The following GPM6A variants were observed in gnomAD, a reference collection of about 807,000 sequenced individuals.
GPM6A encodes the protein glycoprotein M6A, also known as neuronal membrane glycoprotein M6-a.
A neutral mutation model predicts 32.1 loss-of-function variants in GPM6A; 7 were observed. The observed-to-expected ratio is 0.22, with a 90% CI of 0.12 to 0.41. The LOEUF (loss-of-function observed/expected upper bound fraction) is 0.41. Among genes scored for constraint, GPM6A ranks in the 10% least tolerant of loss-of-function variants. The pLI is 1.00. For synonymous variants in GPM6A, 130 were observed against 123.4 expected, an observed-to-expected ratio of 1.05 and a Z score of -0.35; for missense variants, 235 against 347.2, an observed-to-expected ratio of 0.68 and a Z score of 2.57.
chr4:175,952,770 G>A (rs997132191), intron 1 of GPM6A, among the ~76,000 whole-genome samples: 32 of 152,074 alleles, frequency 2.1e-4, no homozygotes, highest in Admixed American at 9.2e-4. Context: ...TCCGGTGGGG[G>A]CATGGGAACT....
intron 1 of GPM6A, among the ~76,000 whole-genome samples, chr4:175,763,580 T>C (rs1732841395): frequency 6.6e-6 from 1 of 152,190 alleles, no homozygotes; most frequent in Non-Finnish European, 1.5e-5. Context: ...TTAAATGCAG[T>C]TTATCTAGGG....
At chr4:175,729,103 C>T (rs1161564628) in intron 1 of GPM6A, among the ~76,000 whole-genome samples, 1 of 152,176 alleles carries the variant, frequency 6.6e-6, no homozygotes, top group African/African-American at 2.4e-5. Context: ...TTCCTACTCC[C>T]CTACTGATGT....
At chr4:175,702,806 C>CA (rs1359995231) in intron 1 of GPM6A, among the ~76,000 whole-genome samples, 2 of 152,170 alleles carry the variant, frequency 1.3e-5, no homozygotes, top group Non-Finnish European at 2.9e-5. Context: ...CTGGAAGAGA[C>CA]AATATCTGAA....
intron 1 of GPM6A, among the ~76,000 whole-genome samples, chr4:175,986,101 G>C (rs1194692183): frequency 1.3e-5 from 2 of 152,064 alleles, no homozygotes; most frequent in African/African-American, 4.8e-5. Flanking sequence ...CACTGCACCT[G>C]GCCTACATTT....
intron 3 of GPM6A, among the ~76,000 whole-genome samples, chr4:175,658,311 AC>A (rs1378467782): frequency 2.0e-5 from 3 of 151,844 alleles, no homozygotes; most frequent in African/African-American, 4.8e-5. Context: ...AAAAAAAAAA[AC>A]AATCTGAAAA....
At chr4:175,768,861 C>T (rs193151805) in intron 1 of GPM6A, among the ~76,000 whole-genome samples, 2 of 152,104 alleles carry the variant, frequency 1.3e-5, no homozygotes, top group East Asian at 1.9e-4. Flanking sequence ...TTTGGGAGGC[C>T]GAGGTGGGTG....
At chr4:175,653,965 C>T (rs1224976561) in intron 3 of GPM6A, among the ~76,000 whole-genome samples, 1 of 152,054 alleles carries the variant, frequency 6.6e-6, no homozygotes, top group Non-Finnish European at 1.5e-5. Flanking sequence ...GAGGGGTCAG[C>T]TCAGAATTTC....
intron 1 of GPM6A, among the ~76,000 whole-genome samples, chr4:175,936,333 A>AAAAAAAAAAAAT (rs1739232460): frequency 6.8e-6 from 1 of 147,766 alleles, no homozygotes; most frequent in Non-Finnish European, 1.5e-5. Flanking sequence ...AAAAAAAAAA[A>AAAAAAAAAAAAT]AAACTATACA....
intron 1 of GPM6A, among the ~76,000 whole-genome samples, chr4:175,783,107 T>C (rs1733674395): frequency 6.6e-6 from 1 of 152,020 alleles, no homozygotes; most frequent in African/African-American, 2.4e-5. Flanking sequence ...TGAGAAATGT[T>C]TTGAATTAAC....
At chr4:175,718,548 G>A (rs1745957583) in intron 1 of GPM6A, among the ~76,000 whole-genome samples, 1 of 152,096 alleles carries the variant, frequency 6.6e-6, no homozygotes, top group Non-Finnish European at 1.5e-5. Context: ...CCCGGGAGAC[G>A]GCGGTTGCAG....
intron 1 of GPM6A, among the ~76,000 whole-genome samples, chr4:175,831,706 T>C (rs950660835): frequency 1.5e-5 from 2 of 135,384 alleles, no homozygotes; most frequent in African/African-American, 5.4e-5. Flanking sequence ...AAGGCCCATT[T>C]AGCCATCTCT....
At chr4:175,797,762 G>A (rs893541070) in intron 1 of GPM6A, among the ~76,000 whole-genome samples, 1 of 152,118 alleles carries the variant, frequency 6.6e-6, no homozygotes, top group African/African-American at 2.4e-5. Context: ...AATTATAGCG[G>A]TGTTGTCCAG....
chr4:175,946,177 A>C lies in GPM6A; in HGVS notation c.-23+56132T>G, dbSNP rs544231564. Among the ~76,000 whole-genome samples the C allele has an allele frequency of 7.0e-4, 107 of 152,356 alleles. 3 individuals carry two copies. In the South Asian group the frequency reaches 0.019, roughly 27 times the overall value. ...ATTAAAAAAATTAAACTTCATTCGA[A>C]TGTAAAGTTAATGAGGAAGTTAAAT... On this transcript the variant is annotated intron_variant, in intron 1 of 7. Coordinates refer to the GPM6A transcript ENST00000280187.
chr4:175,673,584 A>G (rs1743199412), intron 3 of GPM6A, 96 bp downstream of exon 3: 1 of 853,930 alleles, frequency 1.2e-6, no homozygotes, highest in Non-Finnish European at 1.7e-6. Context: ...TACTGTGTGA[A>G]AAAAAAATAC....
intron 1 of GPM6A, among the ~76,000 whole-genome samples, chr4:175,983,384 C>T (rs1288415800): frequency 6.6e-6 from 1 of 152,070 alleles, no homozygotes; most frequent in African/African-American, 2.4e-5. Flanking sequence ...TTTTGAAGGT[C>T]CTGTCTCAGC....
chr4:175,808,016 C>T lies in GPM6A; in HGVS notation c.37+4175G>A, dbSNP rs146704599. On this transcript the variant is annotated intron_variant, in intron 1 of 6. Coordinates refer to ENST00000393658, the MANE Select transcript of GPM6A (RefSeq NM_201591.3). ...TTAGGTAAAGTCCTTAGGCCAGTGT[C>T]TGGAACTGAAATCACCAGGCAGTAT... 3.1e-3 allele frequency among the ~76,000 whole-genome samples: 477 copies of T among 152,352 alleles called. 2 individuals are homozygous for T. The highest frequency in any genetic ancestry group is 1.0e-2 in the African/African-American group (415 of 41,586).
intron 1 of GPM6A, among the ~76,000 whole-genome samples, chr4:175,899,304 C>T (rs1445193271): frequency 2.0e-5 from 3 of 151,972 alleles, no homozygotes; most frequent in African/African-American, 7.3e-5. Flanking sequence ...TAGTACAAAA[C>T]AATTTTTTAA....
chr4:175,788,439 A>C (rs971273231), intron 1 of GPM6A, among the ~76,000 whole-genome samples: 22 of 152,198 alleles, frequency 1.4e-4, no homozygotes, highest in Non-Finnish European at 3.1e-4. Flanking sequence ...AATAGAAATA[A>C]AAGTAGAAAT....
chr4:175,769,539 C>T (rs1433294999), intron 1 of GPM6A, among the ~76,000 whole-genome samples: 1 of 152,092 alleles, frequency 6.6e-6, no homozygotes, highest in Non-Finnish European at 1.5e-5. Flanking sequence ...CTCATATGTG[C>T]TCCATGGTCA....
Sources: gnomAD v4.1 joint callset for allele counts (sites outside exome capture counted in the v4.1 genomes callset) on GRCh38, gnomAD v4.1.1 for gene constraint, MANE v1.5 for transcripts, NCBI Gene and HGNC (gene_info 2026-07-23, HGNC 2026-07-21) for gene names.